The following TMED3 variants were observed in gnomAD, a reference collection of about 807,000 sequenced individuals.
TMED3 encodes the protein transmembrane emp24 domain-containing protein 3.
TMED3 carries 9 observed loss-of-function variants against 15.0 expected under a neutral mutation model. The ratio of observed to expected loss-of-function variants is 0.60; its 90% CI spans 0.36 to 1.04. The LOEUF (loss-of-function observed/expected upper bound fraction) is 1.04, where lower values mean the gene tolerates loss of function less well. Ranked by LOEUF, TMED3 falls within the 50% of genes least tolerant of loss-of-function variation. The pLI is 0.01. For missense variants in TMED3, 267 were observed against 278.9 expected (o/e 0.96, Z 0.30); for synonymous variants, 117 against 121.4 (o/e 0.96, Z 0.24).
At chr15:79,350,802 T>G (rs900463117) in intron 2 of TMED3, among the ~76,000 whole-genome samples, 6 of 152,142 alleles carry the variant, frequency 3.9e-5, no homozygotes, top group African/African-American at 1.4e-4. Context: ...AGGGAGAGCA[T>G]GGCTGGCCAA....
At chr15:79,348,617 C>T (rs1233928022) in intron 2 of TMED3, among the ~76,000 whole-genome samples, 4 of 152,168 alleles carry the variant, frequency 2.6e-5, no homozygotes, top group South Asian at 4.1e-4. Context: ...ACAAGAGGTG[C>T]ATACCATAAT....
intron 2 of TMED3, chr15:79,314,451 T>C: frequency 2.3e-6 from 1 of 433,524 alleles, no homozygotes; most frequent in South Asian, 1.6e-5. Context: ...TCATGCATAA[T>C]CTAGAAAAGG....
chr15:79,319,983 C>T (rs1386912289), intron 2 of TMED3, among the ~76,000 whole-genome samples: 2 of 152,158 alleles, frequency 1.3e-5, no homozygotes, highest in African/African-American at 2.4e-5. Flanking sequence ...CGGATAACTG[C>T]GGGTGGGCCT....
intron 2 of TMED3, among the ~76,000 whole-genome samples, chr15:79,344,534 G>C (rs12901419): frequency 0.24 from 37,073 of 152,032 alleles, 5,686 homozygotes; most frequent in Middle Eastern, 0.4. Context: ...GTGGTTTCTT[G>C]GTCTCTCTCT....
intron 2 of TMED3, among the ~76,000 whole-genome samples, chr15:79,387,594 GCACACA>G (rs60358297): frequency 0.014 from 2,118 of 149,302 alleles, 83 homozygotes; most frequent in East Asian, 0.11. Context: ...ACATGCACCT[GCACACA>G]CACACACACA....
Position 79,334,962 on chromosome 15 carries a change from C to T in TMED3, c.417+20957C>T, listed in dbSNP as rs536508341. Among the ~76,000 whole-genome samples, 10 of 152,220 alleles carry T rather than the reference C, an allele frequency of 6.6e-5. No homozygotes were observed. The South Asian group carries it at 2.1e-3, about 32-fold the overall frequency. On this transcript the variant is annotated intron_variant, in intron 2 of 2. Coordinates refer to the TMED3 transcript ENST00000424155. ...TAACTTTAAGATGCCAAAATGAGAA[C>T]AGGCACTGCACTGCTGAAATCAAGG...
At chr15:79,371,451 A>T (rs1893337314) in intron 2 of TMED3, among the ~76,000 whole-genome samples, 1 of 152,218 alleles carries the variant, frequency 6.6e-6, no homozygotes, top group Non-Finnish European at 1.5e-5. Context: ...CAATTCACTG[A>T]AAACAGTAGA....
chr15:79,355,458 G>T (rs1219281212), intron 2 of TMED3, among the ~76,000 whole-genome samples: 1 of 152,172 alleles, frequency 6.6e-6, no homozygotes, highest in Non-Finnish European at 1.5e-5. Flanking sequence ...ACCCAAAGGA[G>T]TGACTCAGCC....
At chr15:79,351,289 A>G (rs1353992232) in intron 2 of TMED3, among the ~76,000 whole-genome samples, 1 of 152,196 alleles carries the variant, frequency 6.6e-6, no homozygotes, top group Non-Finnish European at 1.5e-5. Context: ...GAACTGAATG[A>G]TTTCCAAGAG....
At chr15:79,370,323 C>T (rs2141244920) in intron 2 of TMED3, among the ~76,000 whole-genome samples, 3 of 132,184 alleles carry the variant, frequency 2.3e-5, no homozygotes, top group Middle Eastern at 0.013. Context: ...AGCTTGGACT[C>T]TGGCTCCAGC....
intron 2 of TMED3, chr15:79,383,368 TCC>T: frequency 8.2e-6 from 2 of 243,142 alleles, no homozygotes; most frequent in South Asian, 1.1e-4. Flanking sequence ...GTTTGGAAGG[TCC>T]CTCACACCAT....
At chr15:79,353,269 T>A (rs1259805154) in intron 2 of TMED3, among the ~76,000 whole-genome samples, 6 of 35,664 alleles carry the variant, frequency 1.7e-4, no homozygotes, top group African/African-American at 6.0e-4. Context: ...ATATTATATA[T>A]AATATATATA....
intron 2 of TMED3, among the ~76,000 whole-genome samples, chr15:79,318,357 C>T (rs1453346660): frequency 6.6e-6 from 1 of 152,174 alleles, no homozygotes; most frequent in South Asian, 2.1e-4. Flanking sequence ...GGGCCTAGCA[C>T]AGTGCCTGGA....
intron 2 of TMED3, among the ~76,000 whole-genome samples, chr15:79,362,172 A>T (rs1429576104): frequency 6.6e-6 from 1 of 152,042 alleles, no homozygotes; most frequent in Admixed American, 6.6e-5. Context: ...CAAACTATGT[A>T]TAAGTTAATA....
chr15:79,387,585 C>A (rs1331612956), intron 2 of TMED3, among the ~76,000 whole-genome samples: 1 of 136,060 alleles, frequency 7.3e-6, no homozygotes, highest in East Asian at 2.1e-4. Flanking sequence ...TACACACACA[C>A]ATGCACCTGC....
chr15:79,403,220 C>CAAAAAAAAAA (rs71150908), intron 2 of TMED3, among the ~76,000 whole-genome samples: 1 of 65,420 alleles, frequency 1.5e-5, no homozygotes, highest in African/African-American at 7.7e-5. Flanking sequence ...GACTCTGTCT[C>CAAAAAAAAAA]AAAAAAAAAA....
chr15:79,369,952 A>G (rs1227684634), intron 2 of TMED3, among the ~76,000 whole-genome samples: 5 of 152,220 alleles, frequency 3.3e-5, no homozygotes, highest in Admixed American at 1.3e-4. Flanking sequence ...CAAGCAGGGC[A>G]GAAGTTGAGA....
At chr15:79,387,646 T>C (rs1274659657) in intron 2 of TMED3, among the ~76,000 whole-genome samples, 1 of 152,056 alleles carries the variant, frequency 6.6e-6, no homozygotes, top group Non-Finnish European at 1.5e-5. Flanking sequence ...ATTATAACCC[T>C]GTTCAGATTT....
chr15:79,372,440 C>T (rs1893357425), intron 2 of TMED3, among the ~76,000 whole-genome samples: 1 of 152,166 alleles, frequency 6.6e-6, no homozygotes, highest in African/African-American at 2.4e-5. Flanking sequence ...TCTCACACTG[C>T]TAATAAAGAC....
Sources: allele counts gnomAD v4.1 joint callset (sites outside exome capture counted in the v4.1 genomes callset), GRCh38; gene constraint gnomAD v4.1.1; transcripts MANE v1.5; gene names NCBI Gene and HGNC (gene_info 2026-07-23, HGNC 2026-07-21).